The following IK variants were observed in gnomAD, a reference collection of about 807,000 sequenced individuals.
IK encodes IK cytokine, also known as protein Red.
A neutral mutation model predicts 90.9 loss-of-function variants in IK; 47 were observed. The observed-to-expected ratio is 0.52, with a 90% confidence interval of 0.41 to 0.66. The LOEUF (loss-of-function observed/expected upper bound fraction) is 0.66. Ranked by LOEUF, IK falls within the 30% of genes least tolerant of loss-of-function variation. IK has a pLI of 0.00. For synonymous variants in IK, 201 were observed against 227.5 expected, an observed-to-expected ratio of 0.88 and a Z score of 1.05; for missense variants, 385 against 709.3, an observed-to-expected ratio of 0.54 and a Z score of 5.19.
chr5:140,656,940 G>C (rs1229949250), intron 9 of IK, among the ~76,000 whole-genome samples: 1 of 152,178 alleles, frequency 6.6e-6, no homozygotes, highest in Admixed American at 6.5e-5. Flanking sequence ...GCTGGGTGCA[G>C]TGGCTCACAC....
At chr5:140,648,273 C>A (rs939396765) in intron 1 of IK, 198 bp from the exon 2 acceptor site, 1 of 709,688 alleles carries the variant, frequency 1.4e-6, no homozygotes. Flanking sequence ...TTCTCTGATC[C>A]TCCAGCGCAG....
In IK at chr5:140,661,020, A is replaced by G. The variant is rs1433333686; in HGVS notation, c.1413+205A>G. ...CAAGATCAAATGACATAGGGTCAAA[A>G]ATCTATTTTTTACTTCCTATAGCAA... On this transcript the variant is annotated intron_variant, in intron 16 of 19. Transcript: ENST00000417647. The surrounding 1 kb of genome is among the most constrained non-coding windows in gnomAD (Gnocchi z 4.2). 4.2e-6 allele frequency: 2 copies of G among 480,332 alleles called. No homozygotes were observed. The highest frequency in any genetic ancestry group is 7.4e-6 in the Non-Finnish European group (2 of 272,042). 29.8% of individuals were successfully genotyped at this position (480,332 alleles called of 1,614,324 possible).
intron 1 of IK, chr5:140,648,202 A>T (rs955090170): frequency 1.4e-6 from 1 of 704,154 alleles, no homozygotes; most frequent in African/African-American, 1.7e-5. Context: ...CCCCATACTT[A>T]ATCCTGGGTT....
Position 140,661,551 on chromosome 5 carries a change from T to A in IK, c.1414-69T>A, listed in dbSNP as rs1561981381. 1.9e-6 allele frequency: 2 copies of A among 1,046,662 alleles called. No homozygotes were observed. Among genetic ancestry groups the A allele is most frequent in the East Asian group, 5.1e-5 (2 of 38,848 alleles). The allele number at this position is 1,046,662 out of a possible 1,614,324, so 64.8% of individuals were successfully genotyped here. On this transcript the variant is annotated intron_variant, in intron 16 of 19. Coordinates refer to ENST00000417647, the MANE Select transcript of IK (RefSeq NM_006083.4). This position sits in a 1 kb window ranked among gnomAD's most constrained non-coding sequence, Gnocchi z 4.2. ...GGATTATGGGAGAGTCTGGCTTCAA[T>A]CAAGGGCTGAAATTCCATTTCCACT... is the stretch of plus-strand genomic sequence containing the variant.
chr5:140,654,859 ACT>A, intron 8 of IK, 132 bp downstream of exon 8: 1 of 693,286 alleles, frequency 1.4e-6, no homozygotes, highest in Non-Finnish European at 2.5e-6. Flanking sequence ...ACAGTGTCTC[ACT>A]TAATCGCCCA....
rs896036070 is a variant in IK, at chr5:140,662,476, T to A, written c.*147T>A. On this transcript the variant is annotated 3_prime_UTR_variant, in exon 20 of 20. Transcript: ENST00000417647. ...TTGGTTCCATTAAAATTGGTTAACT[T>A]GCTATTTTCTTTGTTGAGCATGTCC... 5 of 835,960 alleles carry A rather than the reference T, an allele frequency of 6.0e-6. No homozygotes were observed. Among genetic ancestry groups the A allele is most frequent in the Non-Finnish European group, 9.6e-6 (5 of 518,570 alleles). The allele number at this position is 835,960 out of a possible 1,614,324, so 51.8% of individuals were successfully genotyped here.
In IK at chr5:140,648,042, G is replaced by GTGTGTGTGTGTA. The variant is rs879137324; in HGVS notation, c.16+121_16+122insGTGTGTGTATGT. On this transcript the variant is annotated intron_variant, in intron 1 of 19. Coordinates refer to ENST00000417647, the MANE Select transcript of IK (RefSeq NM_006083.4). ...TGTGTGTGTGTGTGTGTGTGTGTGT[G>GTGTGTGTGTGTA]TGTATGTATGTATGTGTGACGCTTG... The GTGTGTGTGTGTA allele has an allele frequency of 2.0e-4, 95 of 471,338 alleles. No homozygotes were observed. In the East Asian group the frequency reaches 3.2e-3, roughly 16 times the overall value. 29.2% of individuals were successfully genotyped at this position (471,338 alleles called of 1,614,324 possible).
chr5:140,657,229 T>C (rs1053713133), intron 9 of IK, among the ~76,000 whole-genome samples: 3 of 152,180 alleles, frequency 2.0e-5, no homozygotes, highest in Non-Finnish European at 4.4e-5. Context: ...ATGTAAATTT[T>C]TGTCTCACTA....
At chr5:140,660,292 CTTTTT>C (rs200714869) in intron 15 of IK, 97 bp downstream of exon 15, 14,593 of 278,846 alleles carry the variant, frequency 0.052, 13 homozygotes, top group East Asian at 0.082. Context: ...AGGGCTACTT[CTTTTT>C]TTTTTTTTTT....
chr5:140,651,916 C>T, intron 3 of IK, 110 bp downstream of exon 3: 1 of 845,296 alleles, frequency 1.2e-6, no homozygotes, highest in Non-Finnish European at 2.0e-6. Context: ...TTATGATACT[C>T]TCTAAAGTTT....
chr5:140,652,559 G>A (rs529818305), intron 4 of IK, among the ~76,000 whole-genome samples: 1 of 152,240 alleles, frequency 6.6e-6, no homozygotes, highest in East Asian at 1.9e-4. Flanking sequence ...TATATGATAC[G>A]AAAGTTTCAG....
At chr5:140,652,928 T>C in intron 4 of IK, 49 bp from the exon 5 acceptor site, 1 of 1,578,982 alleles carries the variant, frequency 6.3e-7, no homozygotes, top group Non-Finnish European at 8.7e-7. Context: ...CTGTTGACCT[T>C]GAGGTAGCAG....
chr5:140,653,749 C>T (rs1012011238), intron 5 of IK, among the ~76,000 whole-genome samples, 189 bp from the exon 6 acceptor site: 19 of 152,018 alleles, frequency 1.2e-4, no homozygotes, highest in Non-Finnish European at 2.4e-4. Flanking sequence ...GGACTACAGG[C>T]GCCCACCACC....
intron 9 of IK, 130 bp from the exon 10 acceptor site, chr5:140,657,424 C>T (rs1426726816): frequency 1.6e-6 from 1 of 627,292 alleles, no homozygotes; most frequent in Non-Finnish European, 2.8e-6. Context: ...AATATCCTTT[C>T]ACAGCACTTC....
At chr5:140,650,743 A>AT (rs1323804224) in intron 2 of IK, among the ~76,000 whole-genome samples, 1 of 151,774 alleles carries the variant, frequency 6.6e-6, no homozygotes, top group African/African-American at 2.4e-5. Context: ...CGCCCAGCTA[A>AT]TTTTTTTGTA....
chr5:140,654,177 C>A, intron 6 of IK, 125 bp downstream of exon 6: 1 of 653,998 alleles, frequency 1.5e-6, no homozygotes, highest in Non-Finnish European at 2.7e-6. Flanking sequence ...AAAGATGGCC[C>A]CTCTGAAAAG....
At chr5:140,660,489 G>C (rs1757786338) in intron 15 of IK, 1 of 541,642 alleles carries the variant, frequency 1.8e-6, no homozygotes, top group African/African-American at 1.9e-5. Flanking sequence ...GTAGAGATGA[G>C]GTTTCACCAT....
intron 8 of IK, 79 bp downstream of exon 8, chr5:140,654,806 T>C: frequency 1.1e-6 from 1 of 945,240 alleles, no homozygotes; most frequent in Non-Finnish European, 1.6e-6. Context: ...AGGATATGCT[T>C]CTCCTTTCCC....
chr5:140,649,000 G>C (rs569207846), intron 2 of IK: 4 of 177,156 alleles, frequency 2.3e-5, no homozygotes, highest in African/African-American at 9.7e-5. Context: ...ACTACGCCCG[G>C]CTAATTTTGT....
Sources: allele counts gnomAD v4.1 joint callset (sites outside exome capture counted in the v4.1 genomes callset), GRCh38; gene constraint gnomAD v4.1.1; non-coding constraint Gnocchi (gnomAD v3.1); transcripts MANE v1.5; gene names NCBI Gene and HGNC (gene_info 2026-07-23, HGNC 2026-07-21).